Variants in RANBP2 observed in about 807,000 individuals in gnomAD.
RANBP2 encodes E3 SUMO-protein ligase RanBP2.
A neutral mutation model predicts 303.6 loss-of-function variants in RANBP2; 57 were observed. The observed-to-expected ratio is 0.19, with a 90% confidence interval of 0.15 to 0.23. RANBP2 has a LOEUF of 0.23. Ranked by LOEUF, RANBP2 falls within the 10% of genes least tolerant of loss-of-function variation. The pLI, the probability that RANBP2 is intolerant of heterozygous loss-of-function variation, is 1.00. For missense variants in RANBP2, 3,138 were observed against 3,780.8 expected (o/e 0.83, Z 4.46); for synonymous variants, 1,167 against 1,301.5 (o/e 0.90, Z 2.23).
the RANBP2 span, among the ~76,000 whole-genome samples, chr2:109,041,011 G>C: frequency 0.018 from 2,656 of 151,644 alleles, 34 homozygotes; most frequent in South Asian, 0.039. Flanking sequence ...AGCGGAGATT[G>C]CGCCACTGCA....
chr2:109,276,402 T>G, the RANBP2 span, among the ~76,000 whole-genome samples: 3 of 152,254 alleles, frequency 2.0e-5, no homozygotes, highest in Admixed American at 2.0e-4. Flanking sequence ...GGCCTGAGAG[T>G]GACTGTCAGT....
At chr2:109,060,158 C>T in the RANBP2 span, among the ~76,000 whole-genome samples, 43,173 of 151,880 alleles carry the variant, frequency 0.28, 6,274 homozygotes, top group Middle Eastern at 0.38. Context: ...GCCAAGATCG[C>T]GCCACTGCAC....
the RANBP2 span, among the ~76,000 whole-genome samples, chr2:109,213,298 T>G: frequency 2.6e-5 from 4 of 152,202 alleles, no homozygotes; most frequent in Non-Finnish European, 4.4e-5. Context: ...CCCTGGTGTG[T>G]CCATAGCATA....
the RANBP2 span, among the ~76,000 whole-genome samples, chr2:109,192,630 A>T: frequency 1.1e-4 from 17 of 152,344 alleles, no homozygotes; most frequent in East Asian, 5.8e-4. Flanking sequence ...GGAAGTAAAT[A>T]TACAGAAGGT....
the RANBP2 span, among the ~76,000 whole-genome samples, chr2:108,823,439 G>T: frequency 6.6e-6 from 1 of 152,150 alleles, no homozygotes; most frequent in Non-Finnish European, 1.5e-5. Context: ...TTAACAATAG[G>T]ACCACATTCT....
At chr2:109,522,853 C>G in the RANBP2 span, among the ~76,000 whole-genome samples, 11 of 152,182 alleles carry the variant, frequency 7.2e-5, no homozygotes, top group African/African-American at 2.7e-4. Context: ...CACGTGGCAG[C>G]CAGACTTAAC....
intron 1 of RANBP2, among the ~76,000 whole-genome samples, chr2:108,723,310 C>T (rs191964645): frequency 1.8e-3 from 270 of 148,136 alleles, no homozygotes; most frequent in Non-Finnish European, 2.5e-3. Flanking sequence ...GACGGAGACT[C>T]GCTCTATCGT....
the RANBP2 span, among the ~76,000 whole-genome samples, chr2:109,338,496 C>A: frequency 6.6e-6 from 1 of 152,108 alleles, no homozygotes; most frequent in African/African-American, 2.4e-5. Context: ...TTACACTTGA[C>A]CCTTGAACAA....
the RANBP2 span, among the ~76,000 whole-genome samples, chr2:109,728,574 G>C: frequency 5.3e-5 from 8 of 151,260 alleles, no homozygotes; most frequent in Non-Finnish European, 4.4e-5. Context: ...TCCTGCCTTA[G>C]CCTCCCGAGT....
the RANBP2 span, among the ~76,000 whole-genome samples, chr2:108,978,621 A>G: frequency 6.6e-6 from 1 of 152,230 alleles, no homozygotes; most frequent in Non-Finnish European, 1.5e-5. Flanking sequence ...ATTCATTTTA[A>G]CTATTCATAT....
In RANBP2 at chr2:108,765,831, T is replaced by A; in HGVS notation, c.5292T>A (p.Ser1764=). ...NQTTAISTPA[S]SEISKAPKSG... Reference sequence around the variant, plus strand: ...CAACTGCAATTTCAACACCTGCCTCTTCGGAGATAAGCAAGGCTCCAAAGA... The same window carrying A: ...CAACTGCAATTTCAACACCTGCCTCATCGGAGATAAGCAAGGCTCCAAAGA... The change falls in exon 20 of 29, where the codon TCT becomes TCA. Residue 1764 remains serine, a synonymous_variant. Transcript: ENST00000283195. 1 of 1,614,144 alleles carries A rather than the reference T, an allele frequency of 6.2e-7. No individual in the cohort carries two copies. The highest frequency in any genetic ancestry group is 8.5e-7 in the Non-Finnish European group (1 of 1,180,000).
At chr2:108,786,795 G>A, downstream of RANBP2, 1 of 1,564,514 alleles carries the variant, frequency 6.4e-7, no homozygotes, top group East Asian at 2.3e-5. Context: ...CGCGGTTCCC[G>A]GGGAGACTGG....
At chr2:109,159,976 T>C in the RANBP2 span, among the ~76,000 whole-genome samples, 1 of 152,206 alleles carries the variant, frequency 6.6e-6, no homozygotes, top group African/African-American at 2.4e-5. Flanking sequence ...AGAAATAAAG[T>C]GCACAATAAA....
chr2:109,688,180 A>C, the RANBP2 span, among the ~76,000 whole-genome samples: 3,526 of 152,126 alleles, frequency 0.023, 376 homozygotes, highest in East Asian at 0.31. Context: ...CCGAGGAGTC[A>C]CAGAGTTGCC....
chr2:109,535,214 G>A, the RANBP2 span, among the ~76,000 whole-genome samples: 12 of 152,268 alleles, frequency 7.9e-5, no homozygotes, highest in South Asian at 8.3e-4. Context: ...CAGTATGCTG[G>A]CATTTTCTTC....
the RANBP2 span, among the ~76,000 whole-genome samples, chr2:109,482,828 C>T: frequency 6.6e-6 from 1 of 152,250 alleles, no homozygotes; most frequent in Non-Finnish European, 1.5e-5. Flanking sequence ...CCACCAAAAA[C>T]AAGCTAGAGA....
the RANBP2 span, among the ~76,000 whole-genome samples, chr2:108,977,724 G>T: frequency 7.2e-5 from 11 of 152,168 alleles, no homozygotes; most frequent in African/African-American, 2.4e-4. Context: ...AGATTCCTCA[G>T]TGAACAGAAG....
chr2:108,719,584 TC>T lies in RANBP2; in HGVS notation c.-22del. 1 of 1,596,924 alleles carries T rather than the reference TC, an allele frequency of 6.3e-7. No individual in the cohort carries two copies. The highest frequency in any genetic ancestry group is 2.3e-5 in the East Asian group (1 of 44,368). ...GGCCTGAGCGCTGGTCTCACGCGCC[TC>T]GGGAGCCAGGTTGGCGGCGCGATGA... On this transcript the variant is annotated 5_prime_UTR_variant, in exon 1 of 29. Transcript: ENST00000283195.
At chr2:108,788,024 T>C (rs773457948), downstream of RANBP2, 6 of 1,527,942 alleles carry the variant, frequency 3.9e-6, no homozygotes, top group Admixed American at 4.1e-5. Context: ...TTTTCTTTTT[T>C]TTTTTAGTAT....
Sources: gnomAD v4.1 joint callset for allele counts (sites outside exome capture counted in the v4.1 genomes callset) on GRCh38, gnomAD v4.1.1 for gene constraint, MANE v1.5 for transcripts, NCBI Gene and HGNC (gene_info 2026-07-23, HGNC 2026-07-21) for gene names.